Variants in ARSD observed in about 807,000 individuals in gnomAD.
The protein encoded by ARSD is arylsulfatase D, also known as testis tissue sperm-binding protein Li 39a.
In ARSD, 21 loss-of-function variants were observed where a neutral mutation model predicts 32.6. The observed-to-expected ratio is 0.64, with a 90% CI of 0.46 to 0.93. The LOEUF (loss-of-function observed/expected upper bound fraction) is 0.93. Ranked by LOEUF, ARSD falls within the 40% of genes least tolerant of loss-of-function variation. The pLI, the probability that ARSD is intolerant of heterozygous loss-of-function variation, is 0.00. For missense variants in ARSD, 454 were observed against 520.9 expected (o/e 0.87, Z 1.25); for synonymous variants, 224 against 237.4 (o/e 0.94, Z 0.52).
chrX:2,910,080 C>A (rs1024476661), intron 7 of ARSD, 101 bp from the exon 8 acceptor site: 8 of 1,057,113 alleles, frequency 7.6e-6, no homozygotes, highest in Non-Finnish European at 1.0e-5. Flanking sequence ...GCACAGCCAC[C>A]CGGATGCACA....
intron 2 of ARSD, among the ~76,000 whole-genome samples, 192 bp downstream of exon 2, chrX:2,925,424 A>G (rs757526152): frequency 2.5e-4 from 28 of 112,571 alleles, no homozygotes; most frequent in Middle Eastern, 9.3e-3. Flanking sequence ...TAAGCTACCC[A>G]TTTTGTGGTA....
chrX:2,911,624 C>T (rs1235415995), intron 6 of ARSD, among the ~76,000 whole-genome samples: 2 of 98,343 alleles, frequency 2.0e-5, no homozygotes, highest in South Asian at 5.3e-4. Context: ...GAGCCGAGAT[C>T]GCACCACTGC....
At chrX:2,917,576 C>T (rs776178763) in intron 5 of ARSD, among the ~76,000 whole-genome samples, 2 of 110,790 alleles carry the variant, frequency 1.8e-5, no homozygotes, top group Admixed American at 1.9e-4. Context: ...GAGGCTGAAG[C>T]GAACCTCCCA....
rs114911578 is a variant in ARSD, at chrX:2,913,399, T to C, written c.1000+2157A>G. The C allele has an allele frequency of 7.3e-3, 3,476 of 478,531 alleles. 101 individuals carry two copies. In the African/African-American group the frequency reaches 0.079, roughly 11 times the overall value. 39.4% of individuals were successfully genotyped at this position (478,531 alleles called of 1,213,427 possible). A position where few individuals can be genotyped will look rare whatever the true frequency, so the allele number is the denominator to read the frequency against. ...GGCAAGCCCAACCCCCTCTTCCCGTTATGGCATGAACCAGTCTCTCAGGTT... is the reference window on the plus strand; with the variant it reads ...GGCAAGCCCAACCCCCTCTTCCCGTCATGGCATGAACCAGTCTCTCAGGTT... On this transcript the variant is annotated intron_variant, in intron 6 of 9. Transcript: ENST00000381154.
chrX:2,924,979 C>A (rs938014833), intron 2 of ARSD, among the ~76,000 whole-genome samples: 1 of 111,651 alleles, frequency 9.0e-6, no homozygotes, highest in African/African-American at 3.3e-5. Context: ...TTAGGGCTCA[C>A]CCTAAGGACC....
rs2088978472 is a variant in ARSD, at chrX:2,917,802, A to G, written c.863+2T>C. The G allele has an allele frequency of 1.7e-6, 2 of 1,201,798 alleles. No homozygotes were observed. The highest frequency in any genetic ancestry group is 3.5e-5 in the African/African-American group (2 of 57,512). ...CCTCTTTAAGATGCGATGGTTGCTT[A>G]CCTTTCAATATAGGAAACAGCTTCC... On this transcript the variant is annotated splice_donor_variant, in intron 5 of 9. Coordinates refer to ENST00000381154, the MANE Select transcript of ARSD (RefSeq NM_001669.4). LOFTEE classifies it high-confidence loss of function.
In ARSD at chrX:2,920,715, C is replaced by T. The variant is rs759669373; in HGVS notation, c.325G>A (p.Ala109Thr). The stretch of plus-strand genomic sequence containing the variant: ...TGAAGGGCCCGGTATCCATTGCTGG[C>T]GTCCATGCCTGTGGGGCAGAGAAGA... Reference protein sequence around the residue: ...GRHSFRSGMDASNGYRALQWN... With the variant: ...GRHSFRSGMDTSNGYRALQWN... Residue 109 changes from alanine to threonine, a missense_variant, in exon 4 of 10, where the codon GCC becomes ACC. Around this residue, in one of 3 missense-constraint regions of ARSD, gnomAD observed 271 missense variants for 301.0 expected, o/e 0.90. Coordinates refer to ENST00000381154, the MANE Select transcript of ARSD (RefSeq NM_001669.4). 1.2e-5 allele frequency: 15 copies of T among 1,209,491 alleles called. No individual in the cohort carries two copies. The South Asian group carries it at 1.4e-4, about 11-fold the overall frequency.
chrX:2,921,503 A>G (rs1395007366), intron 3 of ARSD, among the ~76,000 whole-genome samples: 1 of 111,801 alleles, frequency 8.9e-6, no homozygotes, highest in Non-Finnish European at 1.9e-5. Context: ...ATCATCCATT[A>G]TCTATCATTA....
In ARSD at chrX:2,909,801, C is replaced by A. The variant is rs1375526573; in HGVS notation, c.1298+16G>T. The A allele has an allele frequency of 1.7e-6, 2 of 1,165,474 alleles. No homozygotes were observed. The highest frequency in any genetic ancestry group is 6.2e-5 in the East Asian group (2 of 32,041). On this transcript the variant is annotated intron_variant, in intron 8 of 9. Transcript: ENST00000381154. Reference sequence around the variant, plus strand: ...TTAAAAAAAATCAGGGAACAGGCAGCCTTATCTCCACGTACCTGTCCTGGG... The same window carrying A: ...TTAAAAAAAATCAGGGAACAGGCAGACTTATCTCCACGTACCTGTCCTGGG...
In ARSD at chrX:2,907,078, T is replaced by C; in HGVS notation, c.*193A>G. On this transcript the variant is annotated 3_prime_UTR_variant, in exon 10 of 10. Transcript: ENST00000381154. ...GTTGCAGTGAGCAGAGATCGTGCCA[T>C]TGCATTCCAGCCTGAGGGACAGAGC... 1 of 420,040 alleles carries C rather than the reference T, an allele frequency of 2.4e-6. No homozygotes were observed. Among genetic ancestry groups the C allele is most frequent in the Non-Finnish European group, 4.0e-6 (1 of 247,316 alleles). 34.6% of individuals were successfully genotyped at this position (420,040 alleles called of 1,213,427 possible).
intron 2 of ARSD, among the ~76,000 whole-genome samples, chrX:2,922,562 C>T (rs956851850): frequency 3.6e-5 from 4 of 109,590 alleles, no homozygotes; most frequent in Non-Finnish European, 7.6e-5. Flanking sequence ...GGGCCGGGCA[C>T]GGTGGCTCAC....
At chrX:2,914,702 T>A (rs1569087737) in intron 6 of ARSD, 1 of 1,027,831 alleles carries the variant, frequency 9.7e-7, no homozygotes, top group South Asian at 1.8e-5. Context: ...AGACAGCGTG[T>A]CTGCATTGTC....
At chrX:2,908,944 A>G (rs2088878612) in intron 8 of ARSD, 102 bp from the exon 9 acceptor site, 1 of 1,121,361 alleles carries the variant, frequency 8.9e-7, no homozygotes. Context: ...CTCCCCAGCA[A>G]ATGGAGCAGA....
Position 2,915,793 on chromosome X carries a change from G to A in ARSD, c.864-101C>T, listed in dbSNP as rs775692020. On this transcript the variant is annotated intron_variant, in intron 5 of 9. Transcript: ENST00000381154. The stretch of plus-strand genomic sequence containing the variant: ...CTCCAGCACTATTCACAAGAGCCAA[G>A]GCAGGGGATCACCTTCTGAGTTCAT... 899 of 837,580 alleles carry A rather than the reference G, an allele frequency of 1.1e-3. 1 individual carries two copies. The highest frequency in any genetic ancestry group is 1.4e-3 in the Non-Finnish European group (820 of 597,759). The allele number at this position is 837,580 out of a possible 1,213,427, so 69.0% of individuals were successfully genotyped here.
intron 1 of ARSD, 129 bp downstream of exon 1, chrX:2,929,103 C>G: frequency 1.6e-6 from 1 of 626,868 alleles, no homozygotes; most frequent in Non-Finnish European, 2.1e-6. Flanking sequence ...GACTACAAGG[C>G]GCCGGACACA....
In ARSD at chrX:2,915,218, G is replaced by T. The variant is rs1480787654; in HGVS notation, c.1000+338C>A. On this transcript the variant is annotated intron_variant, in intron 6 of 9. Coordinates refer to ENST00000381154, the MANE Select transcript of ARSD (RefSeq NM_001669.4). ...CACCCAGGCTGGAGCACAGTGGTGCGATCTCAACTCACTGCAACCTCTGCC... is the reference window on the plus strand; with the variant it reads ...CACCCAGGCTGGAGCACAGTGGTGCTATCTCAACTCACTGCAACCTCTGCC... Among the ~76,000 whole-genome samples, 2 of 110,609 alleles carry T rather than the reference G, an allele frequency of 1.8e-5. 1 individual carries two copies. Among genetic ancestry groups the T allele is most frequent in the Non-Finnish European group, 3.8e-5 (2 of 52,858 alleles).
At chrX:2,924,179 T>C (rs1401999628) in intron 2 of ARSD, among the ~76,000 whole-genome samples, 1 of 112,837 alleles carries the variant, frequency 8.9e-6, no homozygotes, top group Non-Finnish European at 1.9e-5. Context: ...ACTACAGGCA[T>C]GCGCCACCAC....
intron 1 of ARSD, among the ~76,000 whole-genome samples, chrX:2,928,303 G>A (rs1331499429): frequency 7.9e-5 from 8 of 100,957 alleles, no homozygotes; most frequent in African/African-American, 1.8e-4. Flanking sequence ...GAAGTCTTGG[G>A]GGGTGACCGG....
At position 2,907,155 on chromosome X, in the gene ARSD, T is replaced by G. The variant is rs1603460946; in HGVS notation, c.*116A>C. The G allele has an allele frequency of 5.8e-6, 4 of 690,469 alleles. No homozygotes were observed. The East Asian group carries it at 1.3e-4, about 23-fold the overall frequency. 56.9% of individuals were successfully genotyped at this position (690,469 alleles called of 1,213,427 possible). ...AGAAAGAAAGAAAGTGGGGACCCAC[T>G]CTCAGTCCAGGGCATGTTCCTTGCA... On this transcript the variant is annotated 3_prime_UTR_variant, in exon 10 of 10. Coordinates refer to ENST00000381154, the MANE Select transcript of ARSD (RefSeq NM_001669.4).
Sources: gnomAD v4.1 joint callset for allele counts (sites outside exome capture counted in the v4.1 genomes callset) on GRCh38, gnomAD v4.1.1 for gene constraint, gnomAD v4.1.1 regional missense constraint, MANE v1.5 for transcripts, NCBI Gene and HGNC (gene_info 2026-07-23, HGNC 2026-07-21) for gene names.